Variants in RAD51B observed in about 807,000 individuals in gnomAD.
The protein encoded by RAD51B is DNA repair protein RAD51 homolog 2.
A neutral mutation model predicts 42.2 loss-of-function variants in RAD51B; 38 were observed. That is an observed-to-expected ratio of 0.90 (90% CI 0.70 to 1.18). The LOEUF is 1.18. RAD51B is among the 50% of genes most tolerant of loss of function. The pLI, the probability that RAD51B is intolerant of heterozygous loss-of-function variation, is 0.00. For synonymous variants in RAD51B, 154 were observed against 145.2 expected, an observed-to-expected ratio of 1.06 and a Z score of -0.43; for missense variants, 373 against 400.7, an observed-to-expected ratio of 0.93 and a Z score of 0.59.
intron 3 of RAD51B, 52 bp downstream of exon 3, chr14:67,825,629 A>T: frequency 2.2e-6 from 3 of 1,385,546 alleles, no homozygotes; most frequent in Non-Finnish European, 3.0e-6. Context: ...TCATCTCATT[A>T]AACATGTTTT....
intron 7 of RAD51B, among the ~76,000 whole-genome samples, chr14:67,887,707 A>C (rs369011668): frequency 1.3e-5 from 2 of 152,224 alleles, no homozygotes; most frequent in African/African-American, 4.8e-5. Flanking sequence ...TCAGAGGTCA[A>C]CCATTAAGAG....
chr14:67,861,887 T>G (rs1387437313), intron 4 of RAD51B, among the ~76,000 whole-genome samples: 2 of 152,134 alleles, frequency 1.3e-5, no homozygotes, highest in East Asian at 3.8e-4. Flanking sequence ...TATGTGTGTC[T>G]TATGAAAATT....
At chr14:68,502,023 G>T (rs888159190) in intron 10 of RAD51B, among the ~76,000 whole-genome samples, 1 of 152,140 alleles carries the variant, frequency 6.6e-6, no homozygotes, top group African/African-American at 2.4e-5. Context: ...GCCACAGCCC[G>T]GTCACCTTTA....
chr14:68,521,151 G>A (rs1285459570), intron 10 of RAD51B, among the ~76,000 whole-genome samples: 1 of 152,182 alleles, frequency 6.6e-6, no homozygotes, highest in Non-Finnish European at 1.5e-5. Context: ...AACAGCTGGG[G>A]CCTGCTCTCT....
At chr14:68,478,989 C>T (rs930328528), downstream of RAD51B, among the ~76,000 whole-genome samples, 1 of 152,120 alleles carries the variant, frequency 6.6e-6, no homozygotes, top group Admixed American at 6.5e-5. Context: ...CACATCCAAG[C>T]CCCGGGCAGC....
At chr14:68,307,910 T>C (rs1233686875) in intron 8 of RAD51B, among the ~76,000 whole-genome samples, 7 of 152,228 alleles carry the variant, frequency 4.6e-5, no homozygotes, top group African/African-American at 1.2e-4. Flanking sequence ...ATATTCACGA[T>C]TGAGGCTCAC....
chr14:68,379,778 C>T (rs1161700998), intron 8 of RAD51B, among the ~76,000 whole-genome samples: 2 of 152,156 alleles, frequency 1.3e-5, no homozygotes, highest in Non-Finnish European at 2.9e-5. Flanking sequence ...TTATTAGTGA[C>T]CAGGGACATC....
At chr14:68,512,205 G>C (rs1393097541) in intron 10 of RAD51B, among the ~76,000 whole-genome samples, 1 of 152,214 alleles carries the variant, frequency 6.6e-6, no homozygotes, top group Admixed American at 6.5e-5. Context: ...ACTCCCAACA[G>C]CCACCTGGCA....
chr14:67,942,233 C>T (rs1028997359), intron 7 of RAD51B, among the ~76,000 whole-genome samples: 1 of 152,178 alleles, frequency 6.6e-6, no homozygotes, highest in Non-Finnish European at 1.5e-5. Context: ...GATGAGACAA[C>T]TAACTAGGAG....
At chr14:68,598,480 C>T (rs17105924), downstream of RAD51B, among the ~76,000 whole-genome samples, 3,136 of 152,250 alleles carry the variant, frequency 0.021, 108 homozygotes, top group African/African-American at 0.071. Context: ...GTTCCACATA[C>T]ATAAAAAGAA....
intron 11 of RAD51B, among the ~76,000 whole-genome samples, chr14:68,654,436 A>G (rs1390405319): frequency 6.6e-6 from 1 of 151,638 alleles, no homozygotes; most frequent in Non-Finnish European, 1.5e-5. Flanking sequence ...GGTGGACAGA[A>G]CCCCCCACCC....
intron 4 of RAD51B, among the ~76,000 whole-genome samples, chr14:67,843,136 T>C (rs1016142171): frequency 6.6e-6 from 1 of 151,980 alleles, no homozygotes; most frequent in East Asian, 1.9e-4. Flanking sequence ...GCTTTCTTTT[T>C]TTTTTTCTTT....
chr14:68,144,873 A>G (rs751928883), intron 7 of RAD51B, among the ~76,000 whole-genome samples: 1 of 152,202 alleles, frequency 6.6e-6, no homozygotes, highest in Admixed American at 6.5e-5. Context: ...TTTGTATACT[A>G]TATAAAGTCT....
intron 7 of RAD51B, chr14:68,069,709 A>T (rs945993698): frequency 6.6e-6 from 1 of 152,046 alleles, no homozygotes; most frequent in African/African-American, 2.4e-5. Context: ...GGTTGATTCC[A>T]TGTCTTTGCT....
At chr14:68,323,659 G>A (rs1408609906) in intron 8 of RAD51B, among the ~76,000 whole-genome samples, 1 of 152,194 alleles carries the variant, frequency 6.6e-6, no homozygotes, top group Non-Finnish European at 1.5e-5. Flanking sequence ...GCTGGGTGTG[G>A]TGGCAGGCAC....
chr14:68,648,178 T>C (rs1892623522), intron 10 of RAD51B, among the ~76,000 whole-genome samples: 1 of 131,248 alleles, frequency 7.6e-6, no homozygotes, highest in Admixed American at 7.6e-5. Flanking sequence ...TACACACGTA[T>C]ATATATATGA....
At chr14:68,296,110 A>G (rs1018760422) in intron 8 of RAD51B, among the ~76,000 whole-genome samples, 1 of 152,156 alleles carries the variant, frequency 6.6e-6, no homozygotes, top group African/African-American at 2.4e-5. Flanking sequence ...AACATCAACA[A>G]CACAGTCATT....
At chr14:68,488,384 A>T (rs1883805654) in intron 10 of RAD51B, among the ~76,000 whole-genome samples, 1 of 152,094 alleles carries the variant, frequency 6.6e-6, no homozygotes, top group African/African-American at 2.4e-5. Flanking sequence ...TCTCATTCTG[A>T]CCAAACTTGA....
intron 7 of RAD51B, among the ~76,000 whole-genome samples, chr14:67,980,647 G>A (rs1329334287): frequency 6.6e-6 from 1 of 152,112 alleles, no homozygotes; most frequent in African/African-American, 2.4e-5. Context: ...ACGGGTGAAG[G>A]GCCAAACTTT....
Sources: gnomAD v4.1 joint callset for allele counts (sites outside exome capture counted in the v4.1 genomes callset) on GRCh38, gnomAD v4.1.1 for gene constraint, MANE v1.5 for transcripts, NCBI Gene and HGNC (gene_info 2026-07-23, HGNC 2026-07-21) for gene names.